The following TCF4 variants were observed in gnomAD, a reference collection of about 807,000 sequenced individuals.
TCF4 encodes transcription factor 4, also known as SL3-3 enhancer factor 2.
A neutral mutation model predicts 82.1 loss-of-function variants in TCF4; 3 were observed. The ratio of observed to expected loss-of-function variants is 0.04; its 90% CI spans 0.02 to 0.09. The LOEUF (loss-of-function observed/expected upper bound fraction) is 0.09, where lower values mean the gene tolerates loss of function less well. Among genes scored for constraint, TCF4 ranks in the 10% least tolerant of loss-of-function variants. The probability of loss-of-function intolerance (pLI) is 1.00; values close to 1 mark genes in which losing one functional copy is unlikely to be tolerated. For synonymous variants in TCF4, 276 were observed against 309.6 expected (o/e 0.89, Z 1.14); for missense variants, 518 against 852.7 (o/e 0.61, Z 4.89).
chr18:55,479,222 TGACAGGCCATCAGCAGTCCAATGAA>T (rs1043993904), intron 3 of TCF4: 1 of 152,736 alleles, frequency 6.5e-6, no homozygotes, highest in African/African-American at 2.4e-5. Context: ...ACTTCCCCAA[TGACAGGCCATCAGCAGTCCAATGAA>T]GACATGAAGA....
At chr18:55,397,726 T>C (rs2093584133) in intron 6 of TCF4, among the ~76,000 whole-genome samples, 2 of 151,944 alleles carry the variant, frequency 1.3e-5, no homozygotes, top group Admixed American at 6.6e-5. Context: ...TGTTAATCTC[T>C]TTAGGGATAA....
At chr18:55,481,315 A>G (rs1446485485) in intron 3 of TCF4, among the ~76,000 whole-genome samples, 4 of 152,172 alleles carry the variant, frequency 2.6e-5, no homozygotes, top group Non-Finnish European at 4.4e-5. Flanking sequence ...AACGGCTTTT[A>G]TTCTTTGAAA....
chr18:55,416,638 C>T (rs990365591), intron 5 of TCF4, among the ~76,000 whole-genome samples: 18 of 152,170 alleles, frequency 1.2e-4, no homozygotes, highest in African/African-American at 3.4e-4. Context: ...AGGTGGTCTA[C>T]GTTACATGTA....
At chr18:55,327,820 T>C (rs1208975893) in intron 8 of TCF4, among the ~76,000 whole-genome samples, 1 of 152,116 alleles carries the variant, frequency 6.6e-6, no homozygotes, top group Non-Finnish European at 1.5e-5. Flanking sequence ...CACACAGACA[T>C]ATATGGTTTG....
At chr18:55,376,098 T>C (rs2090671663) in intron 6 of TCF4, among the ~76,000 whole-genome samples, 1 of 148,240 alleles carries the variant, frequency 6.7e-6, no homozygotes, top group Non-Finnish European at 1.5e-5. Context: ...CTCAGCTCAC[T>C]GCAACCTCCA....
Position 55,624,576 on chromosome 18 carries a change from T to TAA in TCF4, c.286+6720_286+6721dup, listed in dbSNP as rs35159003. On this transcript the variant is annotated intron_variant, in intron 2 of 20. Coordinates refer to the TCF4 transcript ENST00000398339. ...GGAGAAGTTGTGGAAAGACCCAGATTAAAAAAAAAAAAAAAAAGAATAGCC... is the reference window on the plus strand; with the variant it reads ...GGAGAAGTTGTGGAAAGACCCAGATTAAAAAAAAAAAAAAAAAAAGAATAGCC... Among the ~76,000 whole-genome samples the TAA allele has an allele frequency of 2.5e-3, 340 of 137,140 alleles. 3 individuals carry two copies. The highest frequency in any genetic ancestry group is 0.013 in the South Asian group (55 of 4,290). The allele number at this position is 137,140 out of a possible 152,430, so 90.0% of individuals were successfully genotyped here. A position where few individuals can be genotyped will look rare whatever the true frequency, so the allele number is the denominator to read the frequency against.
At chr18:55,443,956 C>T (rs975452483) in intron 5 of TCF4, among the ~76,000 whole-genome samples, 8 of 152,146 alleles carry the variant, frequency 5.3e-5, no homozygotes, top group Non-Finnish European at 1.0e-4. Context: ...ATCTTCAACA[C>T]AGAGATGAGG....
chr18:55,263,269 A>G (rs2058424335), intron 11 of TCF4, among the ~76,000 whole-genome samples: 1 of 152,172 alleles, frequency 6.6e-6, no homozygotes, highest in South Asian at 2.1e-4. Context: ...AAAATACATG[A>G]GTCATTAGTA....
intron 3 of TCF4, among the ~76,000 whole-genome samples, chr18:55,481,712 T>C (rs1339594563): frequency 6.6e-6 from 1 of 152,238 alleles, no homozygotes; most frequent in African/African-American, 2.4e-5. Context: ...CTCCACTTAA[T>C]CAATATATAC....
At chr18:55,565,529 A>T (rs1227602439) in intron 3 of TCF4, among the ~76,000 whole-genome samples, 1 of 152,174 alleles carries the variant, frequency 6.6e-6, no homozygotes, top group Non-Finnish European at 1.5e-5. Context: ...TGGAGAAAGT[A>T]TTCTCACTTT....
chr18:55,477,631 G>A (rs1471476612), intron 3 of TCF4, among the ~76,000 whole-genome samples: 1 of 152,164 alleles, frequency 6.6e-6, no homozygotes, highest in South Asian at 2.1e-4. Flanking sequence ...TTTAAGAAAC[G>A]CCCAGGACTT....
intron 3 of TCF4, among the ~76,000 whole-genome samples, chr18:55,542,847 T>C (rs1210756771): frequency 6.6e-6 from 1 of 152,080 alleles, no homozygotes; most frequent in Non-Finnish European, 1.5e-5. Flanking sequence ...CCGTTTTAAA[T>C]TTACAGGCAC....
At chr18:55,312,815 CA>C (rs2147248246) in intron 8 of TCF4, among the ~76,000 whole-genome samples, 1 of 152,246 alleles carries the variant, frequency 6.6e-6, no homozygotes, top group Non-Finnish European at 1.5e-5. Flanking sequence ...AGATTCACAT[CA>C]ACACATCTAA....
At chr18:55,358,030 A>G (rs1489821276) in intron 6 of TCF4, among the ~76,000 whole-genome samples, 1 of 152,062 alleles carries the variant, frequency 6.6e-6, no homozygotes, top group Non-Finnish European at 1.5e-5. Context: ...GCCAGTCTGC[A>G]CTCGATGAGC....
chr18:55,396,633 G>T (rs1340420398), intron 6 of TCF4, among the ~76,000 whole-genome samples: 3 of 152,104 alleles, frequency 2.0e-5, no homozygotes, highest in East Asian at 1.9e-4. Flanking sequence ...TTGTTGCAAG[G>T]TTCCAAATTT....
Position 55,461,023 on chromosome 18 carries a change from T to C in TCF4, c.300A>G (p.Ile100Met). Residue 100 changes from isoleucine to methionine, a missense_variant, in exon 5 of 20, where the codon ATA becomes ATG. By Grantham distance (10) the Ile-to-Met change is conservative. Coordinates refer to ENST00000354452, the MANE Select transcript of TCF4 (RefSeq NM_001083962.2). ...NLSPPFVNSR[I>M]QSKTERGSYS... ...TTAATTTAAAATGGGTCTTACTTTG[T>C]ATTCTGGAATTGACAAAAGGTGGAG... is the stretch of plus-strand genomic sequence containing the variant. The C allele has an allele frequency of 6.2e-7, 1 of 1,613,074 alleles. No individual in the cohort carries two copies. The highest frequency in any genetic ancestry group is 8.5e-7 in the Non-Finnish European group (1 of 1,179,318).
At chr18:55,311,374 C>A (rs1160104669) in intron 8 of TCF4, among the ~76,000 whole-genome samples, 1 of 152,216 alleles carries the variant, frequency 6.6e-6, no homozygotes, top group Non-Finnish European at 1.5e-5. Context: ...TGTTTAGTAG[C>A]ATCCCTGGCC....
At chr18:55,456,823 C>A (rs1386160514) in intron 5 of TCF4, among the ~76,000 whole-genome samples, 1 of 152,026 alleles carries the variant, frequency 6.6e-6, no homozygotes, top group Non-Finnish European at 1.5e-5. Context: ...CCCTTTCTAC[C>A]ATTAGCATAC....
chr18:55,452,171 T>C (rs2095636769), intron 5 of TCF4, among the ~76,000 whole-genome samples: 1 of 152,184 alleles, frequency 6.6e-6, no homozygotes, highest in Non-Finnish European at 1.5e-5. Flanking sequence ...GTCTGATTCA[T>C]GACATGAGAC....
Sources: gnomAD v4.1 joint callset for allele counts (sites outside exome capture counted in the v4.1 genomes callset) on GRCh38, gnomAD v4.1.1 for gene constraint, MANE v1.5 for transcripts, NCBI Gene and HGNC (gene_info 2026-07-23, HGNC 2026-07-21) for gene names.